Variants in FAAH2 observed in about 807,000 individuals in gnomAD.
The protein encoded by FAAH2 is fatty acid amide hydrolase 2.
A neutral mutation model predicts 36.9 loss-of-function variants in FAAH2; 60 were observed. The observed-to-expected ratio is 1.63, with a 90% CI of 1.32 to 2.02. The LOEUF (loss-of-function observed/expected upper bound fraction) is 2.02. FAAH2 is among the 30% of genes most tolerant of loss of function. The pLI is 0.00. For synonymous variants in FAAH2, 214 were observed against 143.8 expected (o/e 1.49, Z -3.49); for missense variants, 689 against 397.5 (o/e 1.73, Z -6.23).
chrX:57,475,240 C>T (rs895957166), intron 10 of FAAH2, among the ~76,000 whole-genome samples: 13 of 111,393 alleles, frequency 1.2e-4, no homozygotes, highest in Non-Finnish European at 2.3e-4. Flanking sequence ...TGCAATTGCT[C>T]TTGGTGTTTT....
the FAAH2 span, among the ~76,000 whole-genome samples, chrX:57,211,991 T>C: frequency 1.8e-5 from 2 of 111,590 alleles, no homozygotes; most frequent in Admixed American, 1.9e-4. Context: ...ATCTCAGCAG[T>C]TTTGGAGGCC....
At chrX:57,149,971 A>G in the FAAH2 span, among the ~76,000 whole-genome samples, 1 of 111,297 alleles carries the variant, frequency 9.0e-6, no homozygotes, top group African/African-American at 3.3e-5. Context: ...CTTTGTTCTC[A>G]TTGGTTTCAA....
intron 7 of FAAH2, among the ~76,000 whole-genome samples, chrX:57,415,746 T>C (rs942608042): frequency 9.0e-6 from 1 of 111,418 alleles, no homozygotes; most frequent in African/African-American, 3.3e-5. Flanking sequence ...TAGGTTCACT[T>C]GGTCTAGAGC....
chrX:57,261,573 A>G, the FAAH2 span, among the ~76,000 whole-genome samples: 1 of 107,924 alleles, frequency 9.3e-6, no homozygotes, highest in East Asian at 2.8e-4. Context: ...AAAAAAAAAA[A>G]AAGAAAAAAA....
chrX:57,130,814 T>C, the FAAH2 span, among the ~76,000 whole-genome samples: 1 of 112,007 alleles, frequency 8.9e-6, no homozygotes, highest in Admixed American at 9.5e-5. Context: ...GCCTCCAAAA[T>C]TGATTTTTAA....
At chrX:57,275,386 G>T in the FAAH2 span, among the ~76,000 whole-genome samples, 1 of 112,323 alleles carries the variant, frequency 8.9e-6, no homozygotes, top group East Asian at 2.8e-4. Flanking sequence ...CTAGGGTTGG[G>T]CTCCAGTTCC....
chrX:57,476,305 C>G (rs2057266325), intron 10 of FAAH2, among the ~76,000 whole-genome samples: 2 of 110,936 alleles, frequency 1.8e-5, no homozygotes, highest in Admixed American at 9.7e-5. Context: ...CCAGCTTTTA[C>G]CCATTCAGTA....
At chrX:57,459,822 T>C (rs970802119) in intron 10 of FAAH2, among the ~76,000 whole-genome samples, 1 of 111,144 alleles carries the variant, frequency 9.0e-6, no homozygotes, top group African/African-American at 3.3e-5. Flanking sequence ...AAGAAACCCT[T>C]ACAAAACCCC....
At chrX:57,270,085 A>G in the FAAH2 span, among the ~76,000 whole-genome samples, 7 of 112,368 alleles carry the variant, frequency 6.2e-5, no homozygotes, top group African/African-American at 9.7e-5. Context: ...AATGTTATCA[A>G]CACATTTATG....
At chrX:57,350,281 C>T (rs2053965363) in intron 5 of FAAH2, among the ~76,000 whole-genome samples, 2 of 110,589 alleles carry the variant, frequency 1.8e-5, no homozygotes, top group African/African-American at 3.3e-5. Flanking sequence ...AGCAAAAGGA[C>T]ATTAACCATT....
At chrX:57,277,979 G>C in the FAAH2 span, among the ~76,000 whole-genome samples, 2 of 111,470 alleles carry the variant, frequency 1.8e-5, no homozygotes, top group African/African-American at 6.5e-5. Flanking sequence ...CATCAATATC[G>C]TGAAAATGGC....
the FAAH2 span, among the ~76,000 whole-genome samples, chrX:57,176,970 G>A: frequency 9.1e-6 from 1 of 110,157 alleles, no homozygotes; most frequent in Admixed American, 9.7e-5. Flanking sequence ...TGGAATGGCA[G>A]AGGTCCCATA....
the FAAH2 span, among the ~76,000 whole-genome samples, chrX:57,242,513 G>T: frequency 1.8e-5 from 2 of 112,087 alleles, no homozygotes; most frequent in Non-Finnish European, 3.8e-5. Context: ...TCCCAGCAAG[G>T]TCAACACAAA....
intron 7 of FAAH2, 74 bp downstream of exon 7, chrX:57,381,103 T>A (rs1278558077): frequency 1.4e-6 from 1 of 716,431 alleles, no homozygotes; most frequent in Admixed American, 3.2e-5. Flanking sequence ...TTACTTCACT[T>A]ACTGCCAAAT....
chrX:57,407,441 C>T (rs2055593739), intron 7 of FAAH2, among the ~76,000 whole-genome samples: 2 of 111,963 alleles, frequency 1.8e-5, no homozygotes, highest in Admixed American at 1.9e-4. Flanking sequence ...ATTTGTTGGT[C>T]AGCATTCTGT....
intron 10 of FAAH2, among the ~76,000 whole-genome samples, chrX:57,488,157 C>A (rs924868365): frequency 3.6e-5 from 4 of 111,515 alleles, no homozygotes; most frequent in Admixed American, 9.6e-5. Flanking sequence ...GATGCTTGCA[C>A]AATTCTGTAA....
In FAAH2 at chrX:57,448,669, A is replaced by T. The variant is rs777086125; in HGVS notation, c.1374A>T (p.Ala458=). The change falls in exon 10 of 11, where the codon GCA becomes GCT. Residue 458 remains alanine, a synonymous_variant. Coordinates refer to ENST00000374900, the MANE Select transcript of FAAH2 (RefSeq NM_174912.4). The stretch of plus-strand genomic sequence containing the variant: ...TATATCCCTCACATCCCACAGTGGC[A>T]CCTAAGCATCATGTCCCTCTAACAC... ...VFLYPSHPTV[A]PKHHVPLTRP... The T allele has an allele frequency of 5.5e-5, 67 of 1,209,573 alleles. No individual in the cohort carries two copies. The highest frequency in any genetic ancestry group is 3.3e-4 in the Admixed American group (15 of 45,646).
chrX:57,445,485 C>A (rs1455775399), intron 8 of FAAH2, among the ~76,000 whole-genome samples: 2 of 111,331 alleles, frequency 1.8e-5, no homozygotes, highest in African/African-American at 6.5e-5. Flanking sequence ...AGGCTCATGG[C>A]AACTACTGCC....
intron 5 of FAAH2, among the ~76,000 whole-genome samples, chrX:57,349,504 T>G (rs766924855): frequency 2.0e-5 from 2 of 102,364 alleles, no homozygotes; most frequent in East Asian, 6.0e-4. Flanking sequence ...TATATACATA[T>G]ATACACATAT....
Sources: gnomAD v4.1 joint callset for allele counts (sites outside exome capture counted in the v4.1 genomes callset) on GRCh38, gnomAD v4.1.1 for gene constraint, MANE v1.5 for transcripts, NCBI Gene and HGNC (gene_info 2026-07-23, HGNC 2026-07-21) for gene names.